The following MECOM variants were observed in gnomAD, a reference collection of about 807,000 sequenced individuals.
MECOM encodes the protein histone-lysine N-methyltransferase MECOM.
Under a neutral mutation model 116.3 loss-of-function variants are expected in MECOM, and 13 were observed. The ratio of observed to expected loss-of-function variants is 0.11; its 90% confidence interval spans 0.07 to 0.18. The LOEUF (loss-of-function observed/expected upper bound fraction) is 0.18, where lower values mean the gene tolerates loss of function less well. MECOM is among the 10% of genes least tolerant of loss of function. The probability of loss-of-function intolerance (pLI) is 1.00; values close to 1 mark genes in which losing one functional copy is unlikely to be tolerated. For missense variants in MECOM, 1,299 were observed against 1,509.0 expected, an observed-to-expected ratio of 0.86 and a Z score of 2.31; for synonymous variants, 528 against 535.2, an observed-to-expected ratio of 0.99 and a Z score of 0.19.
At chr3:169,583,217 G>T (rs1485638055) in intron 1 of MECOM, among the ~76,000 whole-genome samples, 1 of 152,202 alleles carries the variant, frequency 6.6e-6, no homozygotes, top group East Asian at 1.9e-4. Flanking sequence ...TGAGCAGGCA[G>T]AGTAGTAATA....
intron 1 of MECOM, among the ~76,000 whole-genome samples, chr3:169,484,251 G>C (rs1751812964): frequency 6.6e-6 from 1 of 151,168 alleles, no homozygotes; most frequent in African/African-American, 2.4e-5. Context: ...GAAGAACAAA[G>C]GAAGGAGAAA....
At chr3:169,650,888 T>C (rs1004040906) in intron 1 of MECOM, among the ~76,000 whole-genome samples, 22 of 152,164 alleles carry the variant, frequency 1.4e-4, no homozygotes, top group African/African-American at 5.3e-4. Flanking sequence ...TGAAATGTGT[T>C]AGATCTAAAC....
At chr3:169,515,345 G>T (rs1756495418) in intron 1 of MECOM, among the ~76,000 whole-genome samples, 1 of 152,126 alleles carries the variant, frequency 6.6e-6, no homozygotes, top group South Asian at 2.1e-4. Flanking sequence ...CAACTCCTGT[G>T]GGGCCAGCAG....
At chr3:169,560,703 C>T (rs1352188758) in intron 1 of MECOM, among the ~76,000 whole-genome samples, 1 of 151,716 alleles carries the variant, frequency 6.6e-6, no homozygotes, top group African/African-American at 2.4e-5. Context: ...ACAGAAGCAT[C>T]AAAAAATAAA....
At chr3:169,428,461 C>T (rs190481309) in intron 1 of MECOM, among the ~76,000 whole-genome samples, 4 of 152,290 alleles carry the variant, frequency 2.6e-5, no homozygotes, top group Admixed American at 2.6e-4. Flanking sequence ...GGAGCTTAGG[C>T]AGCAGTGCTC....
rs532883482 is a variant in MECOM at position 169,557,727 on chromosome 3, C to A, written c.37+105609G>T. On this transcript the variant is annotated intron_variant, in intron 1 of 16. Coordinates refer to ENST00000651503, the MANE Select transcript of MECOM (RefSeq NM_004991.4). Reference sequence around the variant, plus strand: ...TCAGTTTATTTTGTTTGTAGATCAGCCAACAGGTTCCTTATTCACTGTAGG... The same window carrying A: ...TCAGTTTATTTTGTTTGTAGATCAGACAACAGGTTCCTTATTCACTGTAGG... Among the ~76,000 whole-genome samples the A allele has an allele frequency of 7.9e-5, 12 of 152,298 alleles. No individual in the cohort carries two copies. In the South Asian group the frequency reaches 2.5e-3, roughly 32 times the overall value.
intron 1 of MECOM, among the ~76,000 whole-genome samples, chr3:169,429,796 C>A (rs1741306142): frequency 6.6e-6 from 1 of 152,152 alleles, no homozygotes; most frequent in African/African-American, 2.4e-5. Context: ...GATATTACCA[C>A]TTCTCTACGT....
chr3:169,292,929 A>G (rs1714863056), intron 2 of MECOM, among the ~76,000 whole-genome samples: 1 of 152,084 alleles, frequency 6.6e-6, no homozygotes, highest in Non-Finnish European at 1.5e-5. Flanking sequence ...TTAAGGCTCA[A>G]TCACAAAAAT....
At chr3:169,244,320 G>C (rs1755282662) in intron 2 of MECOM, among the ~76,000 whole-genome samples, 1 of 152,188 alleles carries the variant, frequency 6.6e-6, no homozygotes, top group East Asian at 1.9e-4. Context: ...TTCTGGTGTA[G>C]ACATAGCCCC....
chr3:169,431,242 T>C (rs1432111142), intron 1 of MECOM, among the ~76,000 whole-genome samples: 1 of 152,188 alleles, frequency 6.6e-6, no homozygotes, highest in East Asian at 1.9e-4. Context: ...TCTGAACTTG[T>C]GGCCTTTCTT....
intron 1 of MECOM, among the ~76,000 whole-genome samples, chr3:169,569,279 A>C (rs544262958): frequency 6.6e-6 from 1 of 152,158 alleles, no homozygotes; most frequent in Non-Finnish European, 1.5e-5. Flanking sequence ...AGATCAATGC[A>C]ACAAGAAGAG....
At chr3:169,230,844 AT>A (rs1753302641) in intron 2 of MECOM, among the ~76,000 whole-genome samples, 1 of 152,166 alleles carries the variant, frequency 6.6e-6, no homozygotes, top group Non-Finnish European at 1.5e-5. Context: ...AGAATTGTTT[AT>A]CTTGCCCCCA....
At chr3:169,653,905 A>C (rs1775220140) in intron 1 of MECOM, among the ~76,000 whole-genome samples, 1 of 152,190 alleles carries the variant, frequency 6.6e-6, no homozygotes, top group African/African-American at 2.4e-5. Flanking sequence ...ACCTGTACTC[A>C]GGAGTCACCA....
intron 1 of MECOM, among the ~76,000 whole-genome samples, chr3:169,562,521 C>G (rs937032926): frequency 6.6e-6 from 1 of 152,148 alleles, no homozygotes; most frequent in Non-Finnish European, 1.5e-5. Context: ...AAAACTCCGA[C>G]GCCGCAGTTT....
intron 10 of MECOM, among the ~76,000 whole-genome samples, chr3:169,102,857 G>C (rs936842109): frequency 2.0e-5 from 3 of 151,814 alleles, no homozygotes; most frequent in African/African-American, 7.3e-5. Context: ...TTTTATCAAA[G>C]ACAAAGACTA....
At position 169,115,397 on chromosome 3, in the gene MECOM, C is replaced by T; in HGVS notation, c.2475G>A (p.Met825Ile). The change falls in exon 8 of 17, where the codon ATG (methionine) becomes ATA (isoleucine). Residue 825 changes from methionine (M) to isoleucine (I), a missense_variant. Met to Ile is a conservative substitution (Grantham distance 10). Around this residue, in one of 6 missense-constraint regions of MECOM, gnomAD observed 340 missense variants for 312.6 expected, o/e 1.09. Transcript: ENST00000651503. Reference sequence around the variant, plus strand: ...TACACGCTTACCTGTAAATAGGGTCCATAAAGAAAGGAGTGGGTCTTGCAT... The same window carrying T: ...TACACGCTTACCTGTAAATAGGGTCTATAAAGAAAGGAGTGGGTCTTGCAT... The part of the protein sequence containing the change: ...LQHARPTPFF[M>I]DPIYRVEKRK... 6.2e-7 allele frequency: 1 copy of T among 1,613,828 alleles called. No homozygotes were observed. The highest frequency in any genetic ancestry group is 1.3e-5 in the African/African-American group (1 of 75,026).
chr3:169,242,600 G>C (rs1218522590), intron 2 of MECOM, among the ~76,000 whole-genome samples: 3 of 152,054 alleles, frequency 2.0e-5, no homozygotes, highest in Admixed American at 6.5e-5. Flanking sequence ...GAGAGAGCAG[G>C]ACGCGGGCTG....
At chr3:169,386,163 A>T (rs1375407456) in intron 1 of MECOM, among the ~76,000 whole-genome samples, 1 of 152,192 alleles carries the variant, frequency 6.6e-6, no homozygotes, top group Non-Finnish European at 1.5e-5. Flanking sequence ...TAACTACCAT[A>T]GGTTTCCACT....
chr3:169,171,561 C>T (rs1744409660), intron 2 of MECOM, among the ~76,000 whole-genome samples: 1 of 151,732 alleles, frequency 6.6e-6, no homozygotes, highest in Non-Finnish European at 1.5e-5. Context: ...AAAAAATGAC[C>T]TTAAAATGGT....
Sources: gnomAD v4.1 joint callset for allele counts (sites outside exome capture counted in the v4.1 genomes callset) on GRCh38, gnomAD v4.1.1 for gene constraint, gnomAD v4.1.1 regional missense constraint, MANE v1.5 for transcripts, NCBI Gene and HGNC (gene_info 2026-07-23, HGNC 2026-07-21) for gene names.